Variants in ARHGEF7 observed in about 807,000 individuals in gnomAD.
The protein encoded by ARHGEF7 is PAK-interacting exchange factor beta.
ARHGEF7 carries 33 observed loss-of-function variants against 109.8 expected under a neutral mutation model. The observed-to-expected ratio is 0.30, with a 90% CI of 0.23 to 0.40. The LOEUF is 0.40. Ranked by LOEUF, ARHGEF7 falls within the 10% of genes least tolerant of loss-of-function variation. The pLI, the probability that ARHGEF7 is intolerant of heterozygous loss-of-function variation, is 1.00. For missense variants in ARHGEF7, 938 were observed against 1,098.5 expected (o/e 0.85, Z 2.07); for synonymous variants, 458 against 424.6 (o/e 1.08, Z -0.97).
intron 2 of ARHGEF7, among the ~76,000 whole-genome samples, chr13:111,197,669 C>G (rs1271149681): frequency 6.6e-6 from 1 of 152,130 alleles, no homozygotes; most frequent in African/African-American, 2.4e-5. Context: ...CTCCCCATAT[C>G]CTAGCTTCAG....
At chr13:111,209,758 T>A in intron 3 of ARHGEF7, 114 bp from the exon 4 acceptor site, 1 of 1,215,638 alleles carries the variant, frequency 8.2e-7, no homozygotes, top group Admixed American at 2.6e-5. Context: ...TGCTTTGTTG[T>A]GGTCTTTTGG....
At chr13:111,134,203 T>C (rs560635156) in intron 1 of ARHGEF7, among the ~76,000 whole-genome samples, 14 of 152,292 alleles carry the variant, frequency 9.2e-5, no homozygotes, top group Middle Eastern at 3.4e-3. Flanking sequence ...TGTTGGATAT[T>C]TGGGTTGGTT....
chr13:111,238,009 G>T (rs2087072326), intron 6 of ARHGEF7, among the ~76,000 whole-genome samples: 1 of 152,236 alleles, frequency 6.6e-6, no homozygotes, highest in East Asian at 1.9e-4. Context: ...AGGCACACAG[G>T]CCTTGGGCTT....
At chr13:111,297,348 T>G (rs1472988063) in intron 19 of ARHGEF7, among the ~76,000 whole-genome samples, 1 of 152,242 alleles carries the variant, frequency 6.6e-6, no homozygotes. Flanking sequence ...AATCAAGCAG[T>G]ACATCCTATC....
intron 1 of ARHGEF7, among the ~76,000 whole-genome samples, chr13:111,117,521 G>T (rs2153306445): frequency 6.6e-6 from 1 of 152,304 alleles, no homozygotes; most frequent in Middle Eastern, 3.4e-3. Flanking sequence ...GCAGCGTATT[G>T]TAGACACAGT....
At chr13:111,221,196 T>TAG (rs1313001707) in intron 5 of ARHGEF7, among the ~76,000 whole-genome samples, 1 of 71,678 alleles carries the variant, frequency 1.4e-5, no homozygotes, top group African/African-American at 6.2e-5. Context: ...TGTCTATATA[T>TAG]ATCTATATAG....
rs144081663 is a variant in ARHGEF7, at chr13:111,262,135, T to C, written c.951-5413T>C. 3.2e-4 allele frequency among the ~76,000 whole-genome samples: 48 copies of C among 152,270 alleles called. No individual in the cohort carries two copies. In the East Asian group the frequency reaches 8.3e-3, roughly 26 times the overall value. On this transcript the variant is annotated intron_variant, in intron 8 of 21. Transcript: ENST00000646102. ...AGTGGAAGTAAATGAATTTGAAATA[T>C]TACAAAAGATCGATGAAACCAAAAG...
chr13:111,301,539 C>A lies in ARHGEF7; in HGVS notation c.2466+7C>A. The A allele has an allele frequency of 6.3e-7, 1 of 1,598,556 alleles. No homozygotes were observed. Among genetic ancestry groups the A allele is most frequent in the Non-Finnish European group, 8.6e-7 (1 of 1,168,342 alleles). On this transcript the variant is annotated splice_region_variant and intron_variant, in intron 21 of 21. Coordinates refer to ENST00000646102, the MANE Select transcript of ARHGEF7 (RefSeq NM_001354046.2). ...AGTTCAAGAATTAAGACAGGTACGT[C>A]ATAATCCATCTTTAAATCTTTTTTT...
chr13:111,242,911 T>C (rs1447622078), intron 6 of ARHGEF7, among the ~76,000 whole-genome samples: 1 of 152,248 alleles, frequency 6.6e-6, no homozygotes, highest in Non-Finnish European at 1.5e-5. Context: ...TTTGCTGCAG[T>C]GATAGCTGGT....
intron 2 of ARHGEF7, among the ~76,000 whole-genome samples, chr13:111,180,549 G>A (rs1334520940): frequency 6.6e-6 from 1 of 152,212 alleles, no homozygotes; most frequent in Non-Finnish European, 1.5e-5. Flanking sequence ...AGTACCAGAA[G>A]CCCCAGAAGG....
intron 1 of ARHGEF7, chr13:111,153,605 G>A (rs1035100430): frequency 1.2e-5 from 14 of 1,153,462 alleles, no homozygotes; most frequent in East Asian, 5.6e-5. Flanking sequence ...GCTATCCGAA[G>A]ACGTCCCGCG....
chr13:111,139,174 C>T (rs2075228761), intron 1 of ARHGEF7, among the ~76,000 whole-genome samples: 1 of 152,216 alleles, frequency 6.6e-6, no homozygotes, highest in African/African-American at 2.4e-5. Flanking sequence ...GATTAGTGAA[C>T]TTGATCGAGG....
chr13:111,277,268 G>A (rs9560028), intron 12 of ARHGEF7, among the ~76,000 whole-genome samples: 5,273 of 152,242 alleles, frequency 0.035, 255 homozygotes, highest in Admixed American at 0.14. Flanking sequence ...GTTTCAAGAT[G>A]TTACACAGGC....
chr13:111,155,365 A>G (rs1180579693), intron 2 of ARHGEF7, among the ~76,000 whole-genome samples: 1 of 152,262 alleles, frequency 6.6e-6, no homozygotes, highest in East Asian at 1.9e-4. Flanking sequence ...TTAGACATGT[A>G]GGAATTCATA....
chr13:111,263,252 G>T (rs570976727), intron 8 of ARHGEF7, among the ~76,000 whole-genome samples: 1 of 152,172 alleles, frequency 6.6e-6, no homozygotes, highest in Non-Finnish European at 1.5e-5. Flanking sequence ...TGAAACTTTG[G>T]TGATGGCAGT....
chr13:111,238,480 A>G (rs2087159039), intron 6 of ARHGEF7, among the ~76,000 whole-genome samples: 1 of 152,220 alleles, frequency 6.6e-6, no homozygotes, highest in Non-Finnish European at 1.5e-5. Flanking sequence ...CACTGAGGCC[A>G]CCATACCATT....
intron 2 of ARHGEF7, among the ~76,000 whole-genome samples, chr13:111,168,294 C>T (rs2077298607): frequency 6.6e-6 from 1 of 152,120 alleles, no homozygotes; most frequent in Non-Finnish European, 1.5e-5. Context: ...TGTGAGGCCC[C>T]ACTGTGCGAC....
At chr13:111,158,150 T>C (rs1049479884) in intron 2 of ARHGEF7, among the ~76,000 whole-genome samples, 2 of 152,234 alleles carry the variant, frequency 1.3e-5, no homozygotes, top group African/African-American at 4.8e-5. Context: ...AAGAAAGATG[T>C]CTACTGTTCT....
At chr13:111,117,743 TTC>T (rs2066897263) in intron 1 of ARHGEF7, among the ~76,000 whole-genome samples, 2 of 151,668 alleles carry the variant, frequency 1.3e-5, no homozygotes, top group African/African-American at 4.9e-5. Flanking sequence ...CCTTCCTTCC[TTC>T]GAGATGGGTT....
Sources: gnomAD v4.1 joint callset for allele counts (sites outside exome capture counted in the v4.1 genomes callset) on GRCh38, gnomAD v4.1.1 for gene constraint, MANE v1.5 for transcripts, NCBI Gene and HGNC (gene_info 2026-07-23, HGNC 2026-07-21) for gene names.